The following RETREG1 variants were observed in gnomAD, a reference collection of about 807,000 sequenced individuals.
RETREG1 encodes reticulophagy regulator 1.
Under a neutral mutation model 54.8 loss-of-function variants are expected in RETREG1, and 44 were observed. The observed-to-expected ratio is 0.80, with a 90% confidence interval of 0.63 to 1.03. The LOEUF is 1.03. RETREG1 is among the 50% of genes least tolerant of loss of function. The pLI, the probability that RETREG1 is intolerant of heterozygous loss-of-function variation, is 0.00. For missense variants in RETREG1, 554 were observed against 605.1 expected (o/e 0.92, Z 0.89); for synonymous variants, 217 against 238.5 (o/e 0.91, Z 0.83).
intron 3 of RETREG1, among the ~76,000 whole-genome samples, chr5:16,489,732 C>G (rs1280314515): frequency 1.3e-5 from 2 of 152,084 alleles, no homozygotes; most frequent in African/African-American, 4.8e-5. Context: ...TACATGTGAC[C>G]CAAGAATGAT....
At chr5:16,523,575 A>G (rs1740603964) in intron 3 of RETREG1, among the ~76,000 whole-genome samples, 3 of 152,046 alleles carry the variant, frequency 2.0e-5, no homozygotes. Context: ...GATCACTTGG[A>G]TAAAGTAGCT....
In RETREG1 at chr5:16,582,054, A is replaced by T. The variant is rs539246643; in HGVS notation, c.321-9952T>A. Among the ~76,000 whole-genome samples, 3 of 152,366 alleles carry T rather than the reference A, an allele frequency of 2.0e-5. No individual in the cohort carries two copies. In the East Asian group the frequency reaches 5.8e-4, roughly 29 times the overall value. On this transcript the variant is annotated intron_variant, in intron 1 of 8. Transcript: ENST00000306320. Reference sequence around the variant, plus strand: ...ACTAAAGCAAACATTATATATGACCATTAAAATATACATATACATATCATG... The same window carrying T: ...ACTAAAGCAAACATTATATATGACCTTTAAAATATACATATACATATCATG...
intron 4 of RETREG1, 90 bp downstream of exon 4, chr5:16,483,256 A>T: frequency 6.9e-7 from 1 of 1,442,648 alleles, no homozygotes; most frequent in Non-Finnish European, 9.7e-7. Context: ...TTAAAATTGG[A>T]GAAATCTGAC....
intron 3 of RETREG1, among the ~76,000 whole-genome samples, chr5:16,537,223 T>G (rs928787072): frequency 6.6e-6 from 1 of 152,208 alleles, no homozygotes; most frequent in Non-Finnish European, 1.5e-5. Flanking sequence ...GAATTTTTCA[T>G]GTATTAAAAG....
At chr5:16,583,516 T>C (rs1742547710) in intron 1 of RETREG1, among the ~76,000 whole-genome samples, 3 of 151,908 alleles carry the variant, frequency 2.0e-5, no homozygotes, top group Admixed American at 2.0e-4. Context: ...TACATATATA[T>C]AATATACATA....
At chr5:16,538,197 G>A (rs1004423275) in intron 3 of RETREG1, among the ~76,000 whole-genome samples, 4 of 152,204 alleles carry the variant, frequency 2.6e-5, no homozygotes, top group East Asian at 1.9e-4. Context: ...AGCAGATGGC[G>A]CCTGGCTCCG....
At chr5:16,571,428 G>A (rs1020580837) in intron 2 of RETREG1, among the ~76,000 whole-genome samples, 3 of 152,018 alleles carry the variant, frequency 2.0e-5, no homozygotes, top group Non-Finnish European at 4.4e-5. Context: ...TGGTACAAGA[G>A]GCCCCTCCAA....
At chr5:16,566,436 A>T (rs539966310) in intron 2 of RETREG1, among the ~76,000 whole-genome samples, 1 of 152,254 alleles carries the variant, frequency 6.6e-6, no homozygotes, top group East Asian at 1.9e-4. Flanking sequence ...TTTTCCAACC[A>T]ATGTCTTTAT....
intron 1 of RETREG1, among the ~76,000 whole-genome samples, chr5:16,586,897 T>G (rs1468726766): frequency 1.3e-5 from 2 of 152,226 alleles, no homozygotes; most frequent in Non-Finnish European, 2.9e-5. Flanking sequence ...ACCTGCTTTC[T>G]GATTCAGAGA....
chr5:16,513,856 T>A (rs115133428), intron 3 of RETREG1, among the ~76,000 whole-genome samples: 16 of 152,376 alleles, frequency 1.1e-4, no homozygotes, highest in Admixed American at 1.0e-3. Flanking sequence ...CTGCCACCTC[T>A]GTCCACTTCT....
At chr5:16,490,935 C>T (rs562357356) in intron 3 of RETREG1, among the ~76,000 whole-genome samples, 2 of 152,308 alleles carry the variant, frequency 1.3e-5, no homozygotes, top group South Asian at 4.1e-4. Context: ...ACTCCTTGGT[C>T]CTAAGGCATC....
At chr5:16,556,640 T>TA (rs1350636744) in intron 3 of RETREG1, among the ~76,000 whole-genome samples, 2 of 152,130 alleles carry the variant, frequency 1.3e-5, no homozygotes, top group African/African-American at 4.8e-5. Context: ...ACATCATTGA[T>TA]AAGTTACCTA....
At chr5:16,542,960 T>C (rs1485081989) in intron 3 of RETREG1, among the ~76,000 whole-genome samples, 2 of 152,150 alleles carry the variant, frequency 1.3e-5, no homozygotes, top group Non-Finnish European at 2.9e-5. Context: ...TCACCTCCCA[T>C]AGTTTTCTGG....
rs1184877227 is a variant in RETREG1 at position 16,537,599 on chromosome 5, G to A, written c.458+28164C>T. 2.0e-5 allele frequency among the ~76,000 whole-genome samples: 3 copies of A among 152,316 alleles called. No individual in the cohort carries two copies. In the East Asian group the frequency reaches 5.8e-4, roughly 29 times the overall value. On this transcript the variant is annotated intron_variant, in intron 3 of 8. Transcript: ENST00000306320. ...TGTAATCCCAGCTACTTGGGAGACT[G>A]AGGCACAAGAATCGCTTGAAGCCAG...
chr5:16,534,962 A>C (rs1158909714), intron 3 of RETREG1, among the ~76,000 whole-genome samples: 1 of 152,222 alleles, frequency 6.6e-6, no homozygotes, highest in Non-Finnish European at 1.5e-5. Flanking sequence ...GGGATAGATA[A>C]GAGAAACATG....
chr5:16,558,874 G>C (rs942700665), intron 3 of RETREG1, among the ~76,000 whole-genome samples: 13 of 152,186 alleles, frequency 8.5e-5, no homozygotes, highest in Non-Finnish European at 1.5e-4. Flanking sequence ...TTGAGATAAA[G>C]ATATGAGTCA....
intron 3 of RETREG1, among the ~76,000 whole-genome samples, chr5:16,535,692 C>T (rs111570927): frequency 4.1e-5 from 4 of 97,712 alleles, no homozygotes; most frequent in African/African-American, 9.2e-5. Context: ...CCTGTGTGCA[C>T]GCTGCCTTCA....
chr5:16,489,192 A>T (rs1214779832), intron 3 of RETREG1, among the ~76,000 whole-genome samples: 2 of 150,884 alleles, frequency 1.3e-5, no homozygotes, highest in Non-Finnish European at 2.9e-5. Flanking sequence ...GAGTTTTGTT[A>T]TGAACAAAAT....
intron 1 of RETREG1, among the ~76,000 whole-genome samples, chr5:16,581,552 CA>C (rs1742477839): frequency 6.7e-6 from 1 of 149,832 alleles, no homozygotes; most frequent in Non-Finnish European, 1.5e-5. Context: ...CACACACACA[CA>C]CACACACACA....
Sources: gnomAD v4.1 joint callset for allele counts (sites outside exome capture counted in the v4.1 genomes callset) on GRCh38, gnomAD v4.1.1 for gene constraint, MANE v1.5 for transcripts, NCBI Gene and HGNC (gene_info 2026-07-23, HGNC 2026-07-21) for gene names.